The following SELENOT variants were observed in gnomAD, a reference collection of about 807,000 sequenced individuals.
SELENOT encodes thioredoxin reductase-like selenoprotein T.
A neutral mutation model predicts 24.3 loss-of-function variants in SELENOT; 9 were observed. The ratio of observed to expected loss-of-function variants is 0.37; its 90% confidence interval spans 0.22 to 0.65. The LOEUF is 0.65. SELENOT is among the 30% of genes least tolerant of loss of function. SELENOT has a pLI of 0.60. For synonymous variants in SELENOT, 81 were observed against 86.0 expected, an observed-to-expected ratio of 0.94 and a Z score of 0.32; for missense variants, 166 against 247.6, an observed-to-expected ratio of 0.67 and a Z score of 2.21.
At chr3:150,625,038 A>G (rs1726412325) in intron 4 of SELENOT, 139 bp downstream of exon 4, 1 of 471,556 alleles carries the variant, frequency 2.1e-6, no homozygotes, top group Non-Finnish European at 3.6e-6. Flanking sequence ...TTGAAAATTC[A>G]GGAGATAGAA....
At chr3:150,606,047 T>C (rs1030204333) in intron 1 of SELENOT, among the ~76,000 whole-genome samples, 3 of 152,136 alleles carry the variant, frequency 2.0e-5, no homozygotes, top group African/African-American at 7.2e-5. Context: ...ACTTTTGCAA[T>C]TGTTAGTCAA....
intron 1 of SELENOT, among the ~76,000 whole-genome samples, chr3:150,608,645 G>A (rs1176531502): frequency 6.6e-6 from 1 of 152,092 alleles, no homozygotes; most frequent in Non-Finnish European, 1.5e-5. Flanking sequence ...ATATGGAAAA[G>A]TATGCTTATT....
chr3:150,611,076 T>C (rs1190385071), intron 1 of SELENOT, among the ~76,000 whole-genome samples: 2 of 152,136 alleles, frequency 1.3e-5, no homozygotes, highest in Non-Finnish European at 2.9e-5. Flanking sequence ...ATAACCTTTA[T>C]TTAAAATAGT....
intron 2 of SELENOT, 63 bp downstream of exon 2, chr3:150,622,558 T>C: frequency 1.4e-6 from 1 of 739,184 alleles, no homozygotes; most frequent in South Asian, 3.0e-5. Flanking sequence ...GTTTGTGAAT[T>C]GGTTTAATTA....
intron 5 of SELENOT, 91 bp from the exon 6 acceptor site, chr3:150,627,568 C>CT (rs1192050995): frequency 6.5e-6 from 1 of 153,654 alleles, no homozygotes; most frequent in Non-Finnish European, 1.5e-5. Context: ...TATTAGTTAA[C>CT]TTTTTCTTTG....
At chr3:150,615,038 CCA>C (rs1428127607) in intron 1 of SELENOT, among the ~76,000 whole-genome samples, 1 of 132,438 alleles carries the variant, frequency 7.6e-6, no homozygotes, top group Non-Finnish European at 1.6e-5. Flanking sequence ...ACAATGGTCC[CCA>C]GAGTGTGATG....
chr3:150,615,185 G>C (rs1285302263), intron 1 of SELENOT, among the ~76,000 whole-genome samples: 2 of 150,782 alleles, frequency 1.3e-5, no homozygotes, highest in African/African-American at 4.9e-5. Flanking sequence ...TCCCTACAAA[G>C]GACATGAATG....
Position 150,621,276 on chromosome 3 carries a change from C to A in SELENOT, c.138-1109C>A, listed in dbSNP as rs545179220. On this transcript the variant is annotated intron_variant, in intron 1 of 5. Transcript: ENST00000471696. ...CACTTACCGTTCCCTCACACCCCCC[C>A]CAAAAAACACAGGTTTTCTTAAATT... 5.3e-5 allele frequency among the ~76,000 whole-genome samples: 8 copies of A among 152,172 alleles called. No homozygotes were observed. The South Asian group carries it at 6.2e-4, about 12-fold the overall frequency.
chr3:150,614,619 G>T (rs1347315248), intron 1 of SELENOT: 5 of 154,380 alleles, frequency 3.2e-5, no homozygotes, highest in Non-Finnish European at 5.9e-5. Flanking sequence ...GGGTAATTAA[G>T]ATGAACCTTG....
intron 1 of SELENOT, among the ~76,000 whole-genome samples, chr3:150,607,156 A>T (rs1350566521): frequency 1.3e-5 from 2 of 152,232 alleles, no homozygotes; most frequent in African/African-American, 4.8e-5. Context: ...TAAGTAGAAT[A>T]TGGCGGGATT....
Position 150,628,930 on chromosome 3 carries a change from G to C in SELENOT, c.*1301G>C, listed in dbSNP as rs967424707. On this transcript the variant is annotated 3_prime_UTR_variant, in exon 6 of 6. Transcript: ENST00000471696. Reference sequence around the variant, plus strand: ...AATGCTTGGGACAAGAAGTATTTCAGATTTCATAATTTTTTTCAAAGTTTG... The same window carrying C: ...AATGCTTGGGACAAGAAGTATTTCACATTTCATAATTTTTTTCAAAGTTTG... 2 of 152,088 alleles carry C rather than the reference G, an allele frequency of 1.3e-5. No individual in the cohort carries two copies. The highest frequency in any genetic ancestry group is 4.8e-5 in the African/African-American group (2 of 41,422). The allele number at this position is 152,088 out of a possible 1,614,324, so 9.4% of individuals were successfully genotyped here. A position where few individuals can be genotyped will look rare whatever the true frequency, so the allele number is the denominator to read the frequency against.
intron 1 of SELENOT, among the ~76,000 whole-genome samples, chr3:150,621,869 C>A (rs1726352983): frequency 6.6e-6 from 1 of 151,956 alleles, no homozygotes. Context: ...GGAATAAGAA[C>A]CAGAGTTTCA....
At chr3:150,618,855 T>C (rs1726275522) in intron 1 of SELENOT, 1 of 152,160 alleles carries the variant, frequency 6.6e-6, no homozygotes, top group African/African-American at 2.4e-5. Context: ...CAAAACCAAT[T>C]TGAAATAGCA....
chr3:150,627,194 G>A (rs1201101127), intron 5 of SELENOT, 31 bp downstream of exon 5: 1 of 1,498,048 alleles, frequency 6.7e-7, no homozygotes, highest in African/African-American at 1.4e-5. Context: ...CTAATGTATA[G>A]GTTTCTGTTG....
intron 1 of SELENOT, among the ~76,000 whole-genome samples, chr3:150,619,444 G>C (rs969186702): frequency 2.0e-5 from 3 of 151,774 alleles, no homozygotes; most frequent in African/African-American, 7.3e-5. Flanking sequence ...ACTGAGGCAG[G>C]TGAATCGCTT....
chr3:150,604,592 C>T (rs928731737), intron 1 of SELENOT, among the ~76,000 whole-genome samples: 2 of 152,154 alleles, frequency 1.3e-5, no homozygotes, highest in Non-Finnish European at 2.9e-5. Context: ...TTCTACTTCT[C>T]CAACTAGCTT....
chr3:150,619,504 C>G (rs542822426), intron 1 of SELENOT, among the ~76,000 whole-genome samples: 7 of 152,214 alleles, frequency 4.6e-5, no homozygotes, highest in Admixed American at 6.5e-5. Flanking sequence ...CCACTGCACG[C>G]TAGCCTGGGC....
chr3:150,623,003 A>G (rs780956528), intron 2 of SELENOT, 40 bp from the exon 3 acceptor site: 20 of 1,478,770 alleles, frequency 1.4e-5, no homozygotes, highest in Non-Finnish European at 1.6e-5. Flanking sequence ...TAGATTGGAA[A>G]TTGTGGCTTC....
At chr3:150,604,557 G>A (rs150344519) in intron 1 of SELENOT, among the ~76,000 whole-genome samples, 2 of 152,258 alleles carry the variant, frequency 1.3e-5, no homozygotes, top group East Asian at 1.9e-4. Flanking sequence ...AGAACTTCAT[G>A]TATTAGTATA....
Sources: gnomAD v4.1 joint callset for allele counts (sites outside exome capture counted in the v4.1 genomes callset) on GRCh38, gnomAD v4.1.1 for gene constraint, MANE v1.5 for transcripts, NCBI Gene and HGNC (gene_info 2026-07-23, HGNC 2026-07-21) for gene names.